The following SDK1 variants were observed in gnomAD, a reference collection of about 807,000 sequenced individuals.
SDK1 encodes sidekick cell adhesion molecule 1.
Under a neutral mutation model 245.5 loss-of-function variants are expected in SDK1, and 157 were observed. The ratio of observed to expected loss-of-function variants is 0.64; its 90% CI spans 0.56 to 0.73. The LOEUF (loss-of-function observed/expected upper bound fraction) is 0.73. Ranked by LOEUF, SDK1 falls within the 30% of genes least tolerant of loss-of-function variation. The probability of loss-of-function intolerance (pLI) is 0.00; values close to 1 mark genes in which losing one functional copy is unlikely to be tolerated. For synonymous variants in SDK1, 1,647 were observed against 1,278.5 expected (o/e 1.29, Z -6.15); for missense variants, 3,583 against 3,002.3 (o/e 1.19, Z -4.52).
Position 3,448,068 on chromosome 7 carries a change from C to T in SDK1, c.298+146184C>T, listed in dbSNP as rs115837328. Among the ~76,000 whole-genome samples, 907 of 152,218 alleles carry T rather than the reference C, an allele frequency of 6.0e-3. 9 individuals carry two copies. Among genetic ancestry groups the T allele is most frequent in the African/African-American group, 0.021 (862 of 41,542 alleles). ...AGAGGGTAGGTTTCTGATAATGGGA[C>T]TGACAGTTCAAGGGATATGTATACT... is the stretch of plus-strand genomic sequence containing the variant. On this transcript the variant is annotated intron_variant, in intron 1 of 44. Coordinates refer to ENST00000404826, the MANE Select transcript of SDK1 (RefSeq NM_152744.4).
chr7:3,735,106 C>A (rs1779282420), intron 4 of SDK1, among the ~76,000 whole-genome samples: 1 of 151,926 alleles, frequency 6.6e-6, no homozygotes, highest in African/African-American at 2.4e-5. Flanking sequence ...GAGTCCAGCT[C>A]CATTAATTGC....
chr7:3,431,707 A>T lies in SDK1; in HGVS notation c.298+129823A>T, dbSNP rs531302200. 8.5e-5 allele frequency among the ~76,000 whole-genome samples: 13 copies of T among 152,276 alleles called. No homozygotes were observed. In the East Asian group the frequency reaches 2.5e-3, roughly 29 times the overall value. ...AGGATGGGGAGTTTGGAGCTCTGAG[A>T]TATGAACTGTTTTGCAATGACTAGT... On this transcript the variant is annotated intron_variant, in intron 1 of 44. Coordinates refer to ENST00000404826, the MANE Select transcript of SDK1 (RefSeq NM_152744.4).
intron 28 of SDK1, among the ~76,000 whole-genome samples, chr7:4,143,257 A>C (rs1779705005): frequency 6.6e-6 from 1 of 152,200 alleles, no homozygotes; most frequent in South Asian, 2.1e-4. Context: ...ATAAGGTTCC[A>C]TGGAGGCTGT....
At chr7:3,326,303 TA>T (rs1289761744) in intron 1 of SDK1, among the ~76,000 whole-genome samples, 1 of 152,152 alleles carries the variant, frequency 6.6e-6, no homozygotes, top group Non-Finnish European at 1.5e-5. Flanking sequence ...GGGATCAAAT[TA>T]TATGCTGTTT....
At chr7:3,652,417 T>A (rs1344021999) in intron 4 of SDK1, among the ~76,000 whole-genome samples, 1 of 152,196 alleles carries the variant, frequency 6.6e-6, no homozygotes, top group Non-Finnish European at 1.5e-5. Flanking sequence ...TGGCACGGCC[T>A]TCATGGTGGC....
intron 1 of SDK1, among the ~76,000 whole-genome samples, chr7:3,539,311 A>G (rs375140532): frequency 6.1e-4 from 93 of 152,316 alleles, no homozygotes; most frequent in African/African-American, 2.1e-3. Flanking sequence ...GTTGGTGCTT[A>G]GTTTTTAGCA....
intron 5 of SDK1, among the ~76,000 whole-genome samples, chr7:3,849,251 C>T (rs557064565): frequency 8.5e-5 from 13 of 152,176 alleles, no homozygotes; most frequent in African/African-American, 2.2e-4. Context: ...ATGTCTTCCC[C>T]GGAGATGCAC....
chr7:3,832,614 G>A (rs999744243), intron 5 of SDK1, among the ~76,000 whole-genome samples: 1 of 152,126 alleles, frequency 6.6e-6, no homozygotes, highest in Non-Finnish European at 1.5e-5. Context: ...TATATTCCCT[G>A]CTTTTCCAAG....
At chr7:3,767,228 A>C (rs1418160143) in intron 4 of SDK1, among the ~76,000 whole-genome samples, 1 of 152,170 alleles carries the variant, frequency 6.6e-6, no homozygotes, top group Non-Finnish European at 1.5e-5. Context: ...AGGTAGAGTC[A>C]GAAGACCACT....
intron 19 of SDK1, among the ~76,000 whole-genome samples, chr7:4,064,057 A>C (rs1307196035): frequency 6.6e-6 from 1 of 152,252 alleles, no homozygotes; most frequent in Non-Finnish European, 1.5e-5. Flanking sequence ...AGCACAGGCA[A>C]CAAAACCAAA....
intron 1 of SDK1, among the ~76,000 whole-genome samples, chr7:3,354,010 T>G (rs954096402): frequency 4.9e-4 from 74 of 151,326 alleles, no homozygotes; most frequent in South Asian, 3.8e-3. Flanking sequence ...TTTTTTTTTT[T>G]GGGACAGACT....
At chr7:3,570,709 C>A (rs750190748) in intron 1 of SDK1, among the ~76,000 whole-genome samples, 1 of 152,204 alleles carries the variant, frequency 6.6e-6, no homozygotes, top group African/African-American at 2.4e-5. Flanking sequence ...CCTGCAGTCT[C>A]ACGTAACGAG....
intron 32 of SDK1, among the ~76,000 whole-genome samples, chr7:4,162,903 C>G (rs1443483600): frequency 6.6e-6 from 1 of 152,230 alleles, no homozygotes; most frequent in Non-Finnish European, 1.5e-5. Flanking sequence ...AGGGACAAAA[C>G]TGCCCAAGGA....
intron 13 of SDK1, among the ~76,000 whole-genome samples, chr7:3,986,735 C>T (rs771185763): frequency 3.3e-5 from 5 of 152,126 alleles, no homozygotes; most frequent in South Asian, 2.1e-4. Flanking sequence ...GTGGCAGGCG[C>T]CTATAATCCC....
At chr7:3,979,151 C>G (rs1206258808) in intron 13 of SDK1, among the ~76,000 whole-genome samples, 4 of 152,184 alleles carry the variant, frequency 2.6e-5, no homozygotes, top group Non-Finnish European at 5.9e-5. Flanking sequence ...GACAAATCCC[C>G]TCACTTCTCA....
rs577270375 is a variant in SDK1 at position 3,708,007 on chromosome 7, A to T, written c.713+65902A>T. Among the ~76,000 whole-genome samples, 196 of 151,962 alleles carry T rather than the reference A, an allele frequency of 1.3e-3. 2 individuals carry two copies. Among genetic ancestry groups the T allele is most frequent in the African/African-American group, 4.2e-3 (175 of 41,468 alleles). ...GAGACTGAGTAATTTATTTTTTTTTAAAAAGAGGTTTAGATAGCTCATGGT... is the reference window on the plus strand; with the variant it reads ...GAGACTGAGTAATTTATTTTTTTTTTAAAAGAGGTTTAGATAGCTCATGGT... On this transcript the variant is annotated intron_variant, in intron 4 of 44. Coordinates refer to ENST00000404826, the MANE Select transcript of SDK1 (RefSeq NM_152744.4).
chr7:4,130,395 A>C (rs963060056), intron 27 of SDK1: 1 of 401,180 alleles, frequency 2.5e-6, no homozygotes, highest in African/African-American at 2.1e-5. Context: ...TGTGGATGTC[A>C]GCTGTGGACG....
At position 3,716,267 on chromosome 7, in the gene SDK1, G is replaced by GA. The variant is rs571813047; in HGVS notation, c.713+74172dup. Among the ~76,000 whole-genome samples, 79 of 145,868 alleles carry GA rather than the reference G, an allele frequency of 5.4e-4. 1 individual carries two copies. The highest frequency in any genetic ancestry group is 1.2e-3 in the African/African-American group (47 of 39,854). ...TAGGTGAAAGCTTTCTAAATTGGGGGAAAAAAAAAACTCCACAAGCCTACA... is the reference window on the plus strand; with the variant it reads ...TAGGTGAAAGCTTTCTAAATTGGGGGAAAAAAAAAAACTCCACAAGCCTACA... On this transcript the variant is annotated intron_variant, in intron 4 of 44. Coordinates refer to ENST00000404826, the MANE Select transcript of SDK1 (RefSeq NM_152744.4).
At chr7:3,471,786 G>A (rs186596640) in intron 1 of SDK1, among the ~76,000 whole-genome samples, 6 of 152,000 alleles carry the variant, frequency 3.9e-5, no homozygotes, top group African/African-American at 9.7e-5. Flanking sequence ...TAGTCTACTC[G>A]GCTTTTCTGT....
Sources: gnomAD v4.1 joint callset for allele counts (sites outside exome capture counted in the v4.1 genomes callset) on GRCh38, gnomAD v4.1.1 for gene constraint, MANE v1.5 for transcripts, NCBI Gene and HGNC (gene_info 2026-07-23, HGNC 2026-07-21) for gene names.